HUNK: variants seen among roughly 807,000 people sequenced by gnomAD.
The protein encoded by HUNK is hormonally up-regulated neu tumor-associated kinase.
A neutral mutation model predicts 61.0 loss-of-function variants in HUNK; 21 were observed. The ratio of observed to expected loss-of-function variants is 0.34; its 90% CI spans 0.24 to 0.50. The LOEUF is 0.50. Ranked by LOEUF, HUNK falls within the 20% of genes least tolerant of loss-of-function variation. HUNK has a pLI of 0.98. For missense variants in HUNK, 772 were observed against 945.7 expected (o/e 0.82, Z 2.41); for synonymous variants, 371 against 386.1 (o/e 0.96, Z 0.46).
intron 2 of HUNK, among the ~76,000 whole-genome samples, chr21:31,937,036 A>G (rs750045979): frequency 6.6e-5 from 10 of 152,216 alleles, no homozygotes; most frequent in Non-Finnish European, 1.2e-4. Flanking sequence ...GTTTATAATC[A>G]GGGTTCACGG....
intron 7 of HUNK, among the ~76,000 whole-genome samples, chr21:31,980,428 G>A (rs2053088744): frequency 6.8e-6 from 1 of 148,088 alleles, no homozygotes; most frequent in African/African-American, 2.5e-5. Context: ...CCAGGCTGGA[G>A]TGCAGTGGCG....
intron 6 of HUNK, 150 bp from the exon 7 acceptor site, chr21:31,974,405 G>A (rs2833587): frequency 0.46 from 313,399 of 683,410 alleles, 72,909 homozygotes; most frequent in African/African-American, 0.53. Context: ...TATTCCCTCC[G>A]CTTTTCTGAA....
At chr21:31,936,018 A>T (rs1231445870) in intron 2 of HUNK, among the ~76,000 whole-genome samples, 1 of 152,020 alleles carries the variant, frequency 6.6e-6, no homozygotes, top group Non-Finnish European at 1.5e-5. Flanking sequence ...GCTGGTCTTG[A>T]ACTCCTGACT....
chr21:31,901,842 T>C (rs1893356338), intron 1 of HUNK, among the ~76,000 whole-genome samples: 1 of 152,114 alleles, frequency 6.6e-6, no homozygotes, highest in Non-Finnish European at 1.5e-5. Context: ...CTACCTGATT[T>C]AGGTGTTCAC....
chr21:31,994,974 G>A (rs918375899), intron 9 of HUNK, among the ~76,000 whole-genome samples: 2 of 152,050 alleles, frequency 1.3e-5, no homozygotes, highest in Non-Finnish European at 2.9e-5. Flanking sequence ...ATAACATAAC[G>A]AGACCCCATC....
chr21:31,990,825 T>C (rs960281071), intron 9 of HUNK, among the ~76,000 whole-genome samples: 11 of 152,144 alleles, frequency 7.2e-5, no homozygotes, highest in African/African-American at 2.7e-4. Flanking sequence ...TGTGAGCCAC[T>C]GTGCCTGGCC....
intron 1 of HUNK, among the ~76,000 whole-genome samples, chr21:31,892,692 A>G (rs2123794204): frequency 6.6e-6 from 1 of 152,200 alleles, no homozygotes; most frequent in Non-Finnish European, 1.5e-5. Context: ...GGTCTTTTAG[A>G]TAGTAAGAAA....
intron 5 of HUNK, among the ~76,000 whole-genome samples, chr21:31,964,881 C>G (rs1709003985): frequency 6.6e-6 from 1 of 152,220 alleles, no homozygotes. Flanking sequence ...GTTCATCATA[C>G]TTTGAAAAAG....
intron 6 of HUNK, among the ~76,000 whole-genome samples, chr21:31,969,390 C>T (rs757925903): frequency 2.0e-5 from 3 of 152,042 alleles, no homozygotes; most frequent in Non-Finnish European, 2.9e-5. Flanking sequence ...CGTTTTAGGC[C>T]GGGTGTCCCT....
chr21:31,941,587 A>T (rs1473761198), intron 3 of HUNK, among the ~76,000 whole-genome samples: 1 of 152,170 alleles, frequency 6.6e-6, no homozygotes, highest in Non-Finnish European at 1.5e-5. Flanking sequence ...GATTACAGGC[A>T]TGAGCCACCA....
chr21:31,950,348 T>A (rs1396202064), intron 4 of HUNK, among the ~76,000 whole-genome samples: 1 of 151,988 alleles, frequency 6.6e-6, no homozygotes, highest in Non-Finnish European at 1.5e-5. Flanking sequence ...AAAACCAGAT[T>A]CTTTTGTTAT....
At position 31,947,380 on chromosome 21, in the gene HUNK, T is replaced by TAC. The variant is rs1470646106; in HGVS notation, c.746+1209_746+1210insAC. Among the ~76,000 whole-genome samples, 436 of 146,264 alleles carry TAC rather than the reference T, an allele frequency of 3.0e-3. 36 individuals are homozygous for TAC. The highest frequency in any genetic ancestry group is 0.01 in the African/African-American group (397 of 38,472). ...ATCCCAGTCTCAAGCCAGTGGCGCC[T>TAC]GCGCATTCCCACATCCCATTCTCAA... On this transcript the variant is annotated intron_variant, in intron 4 of 10. Coordinates refer to ENST00000270112, the MANE Select transcript of HUNK (RefSeq NM_014586.2).
At chr21:31,926,661 T>G (rs2052662155) in intron 2 of HUNK, among the ~76,000 whole-genome samples, 1 of 152,198 alleles carries the variant, frequency 6.6e-6, no homozygotes. Context: ...GTCTAAGTTA[T>G]AGCATGTGTC....
At chr21:31,898,245 A>C (rs185567966) in intron 1 of HUNK, among the ~76,000 whole-genome samples, 2 of 152,222 alleles carry the variant, frequency 1.3e-5, no homozygotes, top group Admixed American at 6.5e-5. Flanking sequence ...CATTAGGACA[A>C]GCTTTATACT....
chr21:31,928,871 A>T (rs1274025136), intron 2 of HUNK, among the ~76,000 whole-genome samples: 1 of 152,148 alleles, frequency 6.6e-6, no homozygotes, highest in African/African-American at 2.4e-5. Flanking sequence ...GAATTTCATA[A>T]ATTATTTTGA....
chr21:31,975,787 T>C (rs1211962637), intron 7 of HUNK, among the ~76,000 whole-genome samples: 1 of 152,184 alleles, frequency 6.6e-6, no homozygotes, highest in African/African-American at 2.4e-5. Flanking sequence ...GTTGGGGAAA[T>C]GATATTCTCG....
rs564540904 is a variant in HUNK, at chr21:31,877,217, AT to A, written c.261+3285del. On this transcript the variant is annotated intron_variant, in intron 1 of 10. Transcript: ENST00000270112. ...ATCTAGGGCATTGCTAGTTGAAGGC[AT>A]TTGGTATGGGGGTGTGTGTGTGTGT... Among the ~76,000 whole-genome samples the A allele has an allele frequency of 1.2e-4, 19 of 152,182 alleles. No individual in the cohort carries two copies. The South Asian group carries it at 4.0e-3, about 32-fold the overall frequency.
chr21:31,911,905 GA>G (rs11354967), intron 1 of HUNK, among the ~76,000 whole-genome samples: 152,214 of 152,214 alleles, frequency 1, 76,107 homozygotes, highest in Non-Finnish European at 1. Flanking sequence ...TCTGCAGCAG[GA>G]AAAGGCTGGA....
chr21:31,886,841 A>G (rs960420819), intron 1 of HUNK, among the ~76,000 whole-genome samples: 2 of 152,072 alleles, frequency 1.3e-5, no homozygotes, highest in African/African-American at 4.8e-5. Context: ...AAACGGAGTC[A>G]GGCTGGTCAG....
Sources: allele counts gnomAD v4.1 joint callset (sites outside exome capture counted in the v4.1 genomes callset), GRCh38; gene constraint gnomAD v4.1.1; transcripts MANE v1.5; gene names NCBI Gene and HGNC (gene_info 2026-07-23, HGNC 2026-07-21).